The following XG variants were observed in gnomAD, a reference collection of about 807,000 sequenced individuals.
XG encodes Xg glycoprotein (Xg blood group).
Under a neutral mutation model 25.7 loss-of-function variants are expected in XG, and 24 were observed. The ratio of observed to expected loss-of-function variants is 0.93; its 90% confidence interval spans 0.68 to 1.31. The LOEUF (loss-of-function observed/expected upper bound fraction) is 1.31. Ranked by LOEUF, XG falls within the 40% of genes most tolerant of loss-of-function variation. The pLI is 0.00. For synonymous variants in XG, 77 were observed against 69.2 expected (o/e 1.11, Z -0.56); for missense variants, 181 against 187.6 (o/e 0.96, Z 0.21).
intron 6 of XG, 149 bp from the exon 7 acceptor site, chrX:2,797,161 C>T (rs1302076370): frequency 3.0e-5 from 17 of 562,979 alleles, no homozygotes; most frequent in Non-Finnish European, 4.6e-5. Context: ...TTGACTCTCC[C>T]CTGCTGGTCA....
At chrX:2,760,278 A>G (rs2050534554) in intron 1 of XG, among the ~76,000 whole-genome samples, 1 of 152,178 alleles carries the variant, frequency 6.6e-6, no homozygotes, top group African/African-American at 2.4e-5. Context: ...AACCCTGGTT[A>G]TCTCCACTGA....
chrX:2,761,821 C>G (rs1204871323), intron 1 of XG, among the ~76,000 whole-genome samples: 1 of 151,888 alleles, frequency 6.6e-6, no homozygotes, highest in Non-Finnish European at 1.5e-5. Flanking sequence ...AGGAACCGGC[C>G]CTGCCCACAC....
At chrX:2,767,302 C>G (rs2050721677) in intron 1 of XG, among the ~76,000 whole-genome samples, 1 of 152,090 alleles carries the variant, frequency 6.6e-6, no homozygotes, top group Non-Finnish European at 1.5e-5. Flanking sequence ...CCGAGCACAG[C>G]TTTACCGGGG....
intron 7 of XG, among the ~76,000 whole-genome samples, chrX:2,805,787 T>C (rs1351296569): frequency 9.0e-6 from 1 of 111,389 alleles, no homozygotes; most frequent in Admixed American, 9.6e-5. Context: ...CCCACCCTAG[T>C]GATCTCGTTT....
chrX:2,752,282 G>A lies in XG; in HGVS notation c.8G>A (p.Ser3Asn), dbSNP rs1439304258. The A allele has an allele frequency of 1.2e-6, 2 of 1,613,754 alleles. No individual in the cohort carries two copies. The highest frequency in any genetic ancestry group is 2.7e-5 in the African/African-American group (2 of 74,934). ...TGCATCCTGAAGCAAACCATGGAGA[G>A]CTGGTGGGGACTTCCCTGTCTTGCG... The part of the protein sequence containing the change: ME[S>N]WWGLPCLAFL... The change falls in exon 1 of 11, where the codon AGC becomes AAC. Residue 3 changes from serine (S) to asparagine (N), a missense_variant. Coordinates refer to ENST00000644266, the MANE Select transcript of XG (RefSeq NM_001141919.2).
intron 1 of XG, among the ~76,000 whole-genome samples, chrX:2,762,948 A>G (rs2050597655): frequency 6.6e-6 from 1 of 152,188 alleles, no homozygotes; most frequent in Admixed American, 6.5e-5. Context: ...CAAGAAGGTG[A>G]TTGTAGTGTA....
At chrX:2,766,469 C>A (rs1011878452) in intron 1 of XG, among the ~76,000 whole-genome samples, 6 of 144,262 alleles carry the variant, frequency 4.2e-5, no homozygotes, top group African/African-American at 1.6e-4. Context: ...AGTGCTCCTT[C>A]CTTCCGGGTA....
At chrX:2,773,997 G>A (rs1466695623) in intron 2 of XG, among the ~76,000 whole-genome samples, 1 of 150,712 alleles carries the variant, frequency 6.6e-6, no homozygotes, top group Non-Finnish European at 1.5e-5. Context: ...CATCCCCAGT[G>A]AATGTCCGCA....
At chrX:2,805,610 C>T (rs145587108) in intron 7 of XG, among the ~76,000 whole-genome samples, 2,682 of 109,555 alleles carry the variant, frequency 0.024, 57 homozygotes, top group South Asian at 0.091. Flanking sequence ...GTCCTAGAGG[C>T]TGGAGGTCCA....
At chrX:2,762,920 A>G (rs1022949034) in intron 1 of XG, among the ~76,000 whole-genome samples, 11 of 152,242 alleles carry the variant, frequency 7.2e-5, no homozygotes, top group African/African-American at 2.7e-4. Context: ...TGAGAAGTAC[A>G]TGGAGCAGCT....
At chrX:2,773,505 A>G (rs868258288) in intron 2 of XG, among the ~76,000 whole-genome samples, 184 of 114,806 alleles carry the variant, frequency 1.6e-3, no homozygotes, top group Middle Eastern at 4.1e-3. Flanking sequence ...GAAGGAGAGA[A>G]GGAAGGAAGG....
intron 7 of XG, 75 bp downstream of exon 7, chrX:2,797,435 T>C: frequency 1.8e-6 from 2 of 1,106,623 alleles, no homozygotes; most frequent in South Asian, 3.8e-5. Context: ...CCGCTTGCAC[T>C]CTGCCCTGGG....
chrX:2,804,701 G>T (rs1385337988), intron 7 of XG, among the ~76,000 whole-genome samples: 2 of 111,670 alleles, frequency 1.8e-5, no homozygotes, highest in African/African-American at 3.2e-5. Context: ...TCCCCTGAGA[G>T]CCCTGATCGT....
chrX:2,802,733 A>G (rs2086956898), intron 7 of XG, among the ~76,000 whole-genome samples: 2 of 110,727 alleles, frequency 1.8e-5, no homozygotes, highest in African/African-American at 6.6e-5. Flanking sequence ...CTTAGGTTTT[A>G]CAATAGTGAT....
At chrX:2,766,634 G>A (rs1292404008) in intron 1 of XG, among the ~76,000 whole-genome samples, 2 of 141,064 alleles carry the variant, frequency 1.4e-5, no homozygotes, top group Non-Finnish European at 3.0e-5. Context: ...GTGTGAACTC[G>A]GCTCACTGCA....
chrX:2,762,872 A>C (rs1270253662), intron 1 of XG, among the ~76,000 whole-genome samples: 13 of 152,208 alleles, frequency 8.5e-5, no homozygotes, highest in Non-Finnish European at 1.8e-4. Context: ...GAAAACCTTG[A>C]GTTCCTTCAA....
At chrX:2,782,155 TTCTC>T (rs768272040) in intron 4 of XG, 27 bp downstream of exon 4, 2 of 1,205,327 alleles carry the variant, frequency 1.7e-6, no homozygotes, top group Non-Finnish European at 1.1e-6. Context: ...CTGAAACTCT[TTCTC>T]AATCTGGTTT....
At chrX:2,775,011 G>C in intron 3 of XG, 1 of 524,910 alleles carries the variant, frequency 1.9e-6, no homozygotes, top group Non-Finnish European at 3.5e-6. Flanking sequence ...TGGAATGTTT[G>C]TACAGTGCTG....
At chrX:2,802,487 T>C (rs1462498871) in intron 7 of XG, among the ~76,000 whole-genome samples, 1 of 111,421 alleles carries the variant, frequency 9.0e-6, no homozygotes, top group Non-Finnish European at 1.9e-5. Context: ...CAAATCAGCT[T>C]CCCCCAAAAT....
Sources: gnomAD v4.1 joint callset for allele counts (sites outside exome capture counted in the v4.1 genomes callset) on GRCh38, gnomAD v4.1.1 for gene constraint, MANE v1.5 for transcripts, NCBI Gene and HGNC (gene_info 2026-07-23, HGNC 2026-07-21) for gene names.